The following TBC1D22A variants were observed in gnomAD, a reference collection of about 807,000 sequenced individuals.
The protein encoded by TBC1D22A is putative GTPase activator.
Under a neutral mutation model 60.2 loss-of-function variants are expected in TBC1D22A, and 38 were observed. That is an observed-to-expected ratio of 0.63 (90% CI 0.49 to 0.83). TBC1D22A has a LOEUF of 0.83. Ranked by LOEUF, TBC1D22A falls within the 40% of genes least tolerant of loss-of-function variation. The probability of loss-of-function intolerance (pLI) is 0.00; values close to 1 mark genes in which losing one functional copy is unlikely to be tolerated. For missense variants in TBC1D22A, 628 were observed against 701.0 expected (o/e 0.90, Z 1.18); for synonymous variants, 302 against 281.7 (o/e 1.07, Z -0.72).
intron 12 of TBC1D22A, among the ~76,000 whole-genome samples, chr22:47,152,917 T>A (rs1368331118): frequency 6.6e-6 from 1 of 151,830 alleles, no homozygotes; most frequent in Admixed American, 6.6e-5. Context: ...AGAAAAGCAC[T>A]CGGGCTAATT....
At chr22:47,021,923 G>C (rs1417304482) in intron 10 of TBC1D22A, among the ~76,000 whole-genome samples, 1 of 152,222 alleles carries the variant, frequency 6.6e-6, no homozygotes, top group African/African-American at 2.4e-5. Context: ...CTGTTGGCAG[G>C]CACTGCTGGC....
At chr22:47,129,863 GT>G (rs2066621781) in intron 12 of TBC1D22A, among the ~76,000 whole-genome samples, 1 of 152,210 alleles carries the variant, frequency 6.6e-6, no homozygotes, top group Non-Finnish European at 1.5e-5. Context: ...TGTGTCTACT[GT>G]TTTCTTGTTT....
intron 1 of TBC1D22A, among the ~76,000 whole-genome samples, chr22:46,787,264 A>C (rs2084198459): frequency 6.6e-6 from 1 of 152,156 alleles, no homozygotes; most frequent in African/African-American, 2.4e-5. Flanking sequence ...TCATCTACTC[A>C]GAGAACCATC....
At chr22:46,792,427 G>A (rs547660256) in intron 1 of TBC1D22A, 93 bp from the exon 2 acceptor site, 1 of 1,561,232 alleles carries the variant, frequency 6.4e-7, no homozygotes, top group Admixed American at 1.7e-5. Context: ...CAGTCCTGTG[G>A]GTTCCTGGGA....
chr22:46,965,701 AT>A (rs759598247), intron 8 of TBC1D22A, among the ~76,000 whole-genome samples: 4 of 152,350 alleles, frequency 2.6e-5, no homozygotes, highest in Non-Finnish European at 5.9e-5. Context: ...CAGGGGTGAC[AT>A]CTCGGCAGCA....
In TBC1D22A at chr22:46,762,667, C is replaced by T. The variant is rs1004470322; in HGVS notation, c.-120C>T. 3 of 842,018 alleles carry T rather than the reference C, an allele frequency of 3.6e-6. No homozygotes were observed. Among genetic ancestry groups the T allele is most frequent in the Non-Finnish European group, 3.4e-6 (2 of 593,054 alleles). The allele number at this position is 842,018 out of a possible 1,614,324, so 52.2% of individuals were successfully genotyped here. A position where few individuals can be genotyped will look rare whatever the true frequency, so the allele number is the denominator to read the frequency against. On this transcript the variant is annotated 5_prime_UTR_variant, in exon 1 of 13. Transcript: ENST00000337137. ...AAGGAGGCGGAAGAGCTTCTCGGCT[C>T]TAGGCTCTGGAGTCCCGGGAGCAGT... is the stretch of plus-strand genomic sequence containing the variant.
chr22:47,076,245 A>C (rs1312153515), intron 11 of TBC1D22A, among the ~76,000 whole-genome samples: 3 of 152,034 alleles, frequency 2.0e-5, no homozygotes, highest in East Asian at 3.9e-4. Context: ...AACGTGAAGC[A>C]TTTGTAAAAA....
At chr22:46,904,146 C>CTAT (rs1555937562) in intron 7 of TBC1D22A, among the ~76,000 whole-genome samples, 644 of 45,390 alleles carry the variant, frequency 0.014, 4 homozygotes, top group East Asian at 0.023. Flanking sequence ...TATCTATCTA[C>CTAT]CTACCTACCT....
intron 8 of TBC1D22A, among the ~76,000 whole-genome samples, chr22:46,946,860 T>TGC (rs2072578903): frequency 6.6e-6 from 1 of 152,200 alleles, no homozygotes; most frequent in Non-Finnish European, 1.5e-5. Flanking sequence ...TGCAACCTGA[T>TGC]AACACCTCCT....
chr22:47,105,110 T>C (rs1176084462), intron 11 of TBC1D22A, among the ~76,000 whole-genome samples: 1 of 151,934 alleles, frequency 6.6e-6, no homozygotes, highest in African/African-American at 2.4e-5. Flanking sequence ...AGAATAAATC[T>C]CTTTAAATAT....
chr22:46,839,341 T>A (rs1027776121), intron 4 of TBC1D22A, among the ~76,000 whole-genome samples: 71 of 151,356 alleles, frequency 4.7e-4, no homozygotes, highest in African/African-American at 1.7e-3. Flanking sequence ...GGAGTCTCGC[T>A]CTGTCACCCA....
At chr22:47,003,944 AC>A in intron 10 of TBC1D22A, among the ~76,000 whole-genome samples, 1 of 139,982 alleles carries the variant, frequency 7.1e-6, no homozygotes, top group South Asian at 2.2e-4. Context: ...CTGTATACAC[AC>A]ACCCTACGCA....
At chr22:46,822,995 A>T (rs180848003) in intron 4 of TBC1D22A, among the ~76,000 whole-genome samples, 37 of 152,316 alleles carry the variant, frequency 2.4e-4, no homozygotes, top group Non-Finnish European at 4.3e-4. Flanking sequence ...AGGGTAAAGG[A>T]CAGCAAGAGA....
In TBC1D22A at chr22:47,173,599, C is replaced by T. The variant is rs144230848; in HGVS notation, c.1527C>T (p.Ala509=). The part of the protein sequence containing the change: ...AEAYRLKFAF[A]DAPNHYKK ...CCTACCGCCTCAAGTTTGCTTTTGC[C>T]GACGCCCCCAATCACTACAAGAAAT... The change falls in exon 13 of 13, where the codon GCC becomes GCT. Residue 509 remains alanine (A), a synonymous_variant. Transcript: ENST00000337137. 42 of 1,613,932 alleles carry T rather than the reference C, an allele frequency of 2.6e-5. No individual in the cohort carries two copies. The African/African-American group carries it at 3.5e-4, about 13-fold the overall frequency.
At chr22:46,939,415 C>T (rs753915782) in intron 8 of TBC1D22A, among the ~76,000 whole-genome samples, 5 of 152,214 alleles carry the variant, frequency 3.3e-5, no homozygotes, top group Non-Finnish European at 7.3e-5. Flanking sequence ...TGGGCTTTAT[C>T]ACACAATATT....
At chr22:46,794,114 C>T (rs1024923451) in intron 3 of TBC1D22A, among the ~76,000 whole-genome samples, 3 of 152,208 alleles carry the variant, frequency 2.0e-5, no homozygotes, top group Admixed American at 6.5e-5. Context: ...ATGTCTTCTC[C>T]GAGTGGAGTG....
At position 47,028,601 on chromosome 22, in the gene TBC1D22A, G is replaced by A. The variant is rs530863661; in HGVS notation, c.1202-8470G>A. 6.6e-6 allele frequency among the ~76,000 whole-genome samples: 1 copy of A among 152,248 alleles called. No homozygotes were observed. Among genetic ancestry groups the A allele is most frequent in the South Asian group, 2.1e-4 (1 of 4,822 alleles). On this transcript the variant is annotated intron_variant, in intron 10 of 12. Coordinates refer to ENST00000337137, the MANE Select transcript of TBC1D22A (RefSeq NM_014346.5). The surrounding 1 kb of genome is among the most constrained non-coding windows in gnomAD (Gnocchi z 4.4). ...CACGGCCCAGGAATGAATCTGGTAT[G>A]ACCTCTTCTGTCTCGCCTGCCTGTG...
At position 47,037,148 on chromosome 22, in the gene TBC1D22A, A is replaced by C; in HGVS notation, c.1279A>C (p.Met427Leu). The change falls in exon 11 of 13, where the codon ATG (methionine) becomes CTG (leucine). Residue 427 changes from methionine (M) to leucine (L), a missense_variant. Physicochemically the swap from Met to Leu is conservative, Grantham distance 15. Transcript: ENST00000337137. Reference protein sequence around the residue: ...FAFRWMNNLLMREVPLRCTIR... With the variant: ...FAFRWMNNLLLREVPLRCTIR... ...CTTCCGCTGGATGAACAACCTGCTG[A>C]TGAGGGAGGTGCCCCTGCGTTGTAC... 6.2e-7 allele frequency: 1 copy of C among 1,613,960 alleles called. No homozygotes were observed.
intron 9 of TBC1D22A, among the ~76,000 whole-genome samples, chr22:46,975,103 C>T (rs1168649771): frequency 6.6e-6 from 1 of 152,162 alleles, no homozygotes; most frequent in African/African-American, 2.4e-5. Context: ...TACAGAGGAA[C>T]AGCTGAGGGG....
Sources: gnomAD v4.1 joint callset for allele counts (sites outside exome capture counted in the v4.1 genomes callset) on GRCh38, gnomAD v4.1.1 for gene constraint, Gnocchi (gnomAD v3.1) non-coding constraint, MANE v1.5 for transcripts, NCBI Gene and HGNC (gene_info 2026-07-23, HGNC 2026-07-21) for gene names.